The following LURAP1L variants were observed in gnomAD, a reference collection of about 807,000 sequenced individuals.
LURAP1L encodes the protein leucine rich adaptor protein 1-like.
LURAP1L carries 12 observed loss-of-function variants against 13.8 expected under a neutral mutation model. That is an observed-to-expected ratio of 0.87 (90% confidence interval 0.56 to 1.41). The LOEUF (loss-of-function observed/expected upper bound fraction) is 1.41. Among genes scored for constraint, LURAP1L ranks in the 40% most tolerant of loss-of-function variants. The probability of loss-of-function intolerance (pLI) is 0.00; values close to 1 mark genes in which losing one functional copy is unlikely to be tolerated. For synonymous variants in LURAP1L, 139 were observed against 119.2 expected (o/e 1.17, Z -1.08); for missense variants, 375 against 292.9 (o/e 1.28, Z -2.04).
In LURAP1L at chr9:12,775,418, C is replaced by T; in HGVS notation, c.-298C>T. On this transcript the variant is annotated 5_prime_UTR_variant, in exon 1 of 2. Coordinates refer to ENST00000319264, the MANE Select transcript of LURAP1L (RefSeq NM_203403.2). ...TTTATTCCCCCTCTGTCTGCAATAT[C>T]AGTGAACTCAACTTTGCAGTGAGGT... is the stretch of plus-strand genomic sequence containing the variant. 2.7e-6 allele frequency: 1 copy of T among 363,696 alleles called. No homozygotes were observed. The highest frequency in any genetic ancestry group is 4.9e-6 in the Non-Finnish European group (1 of 205,858). 22.5% of individuals were successfully genotyped at this position (363,696 alleles called of 1,614,324 possible). A position where few individuals can be genotyped will look rare whatever the true frequency, so the allele number is the denominator to read the frequency against.
intron 1 of LURAP1L, among the ~76,000 whole-genome samples, chr9:12,778,960 T>C (rs987974584): frequency 1.3e-5 from 2 of 152,214 alleles, no homozygotes; most frequent in East Asian, 1.9e-4. Context: ...TTTAGTCCTA[T>C]GCGTACGTAC....
chr9:12,788,815 C>T (rs535262580), intron 1 of LURAP1L, among the ~76,000 whole-genome samples: 1 of 151,856 alleles, frequency 6.6e-6, no homozygotes, highest in East Asian at 1.9e-4. Context: ...ATACTAATTA[C>T]ATATTACAGT....
At chr9:12,781,181 G>C (rs1333418597) in intron 1 of LURAP1L, among the ~76,000 whole-genome samples, 1 of 152,146 alleles carries the variant, frequency 6.6e-6, no homozygotes, top group Non-Finnish European at 1.5e-5. Context: ...ACGTTGGTCA[G>C]GCTGGTCTGG....
rs775499589 is a variant in LURAP1L, at chr9:12,775,877, C to T, written c.162C>T (p.Gly54=). The T allele has an allele frequency of 1.9e-6, 3 of 1,577,580 alleles. No homozygotes were observed. The highest frequency in any genetic ancestry group is 2.7e-5 in the African/African-American group (2 of 73,960). ...GCGGTGGTGGTGGCGGCGGCGGCGGCGGCTGCAGTAGCAGCAGCAGCTACT... is the reference window on the plus strand; with the variant it reads ...GCGGTGGTGGTGGCGGCGGCGGCGGTGGCTGCAGTAGCAGCAGCAGCTACT... ...GGSGGGGGGG[G]GCSSSSSYCS... Residue 54 remains glycine, a synonymous_variant, in exon 1 of 2, where the codon GGC becomes GGT. Transcript: ENST00000319264.
intron 1 of LURAP1L, among the ~76,000 whole-genome samples, chr9:12,794,544 T>C (rs1376650364): frequency 9.2e-5 from 14 of 152,082 alleles, no homozygotes; most frequent in Admixed American, 8.5e-4. Flanking sequence ...GATTGGTTCA[T>C]ACACTTGGAA....
In LURAP1L at chr9:12,821,731, T is replaced by C. The variant is rs773929090; in HGVS notation, c.658T>C (p.Leu220=). 5 of 1,613,984 alleles carry C rather than the reference T, an allele frequency of 3.1e-6. No homozygotes were observed. In the East Asian group the frequency reaches 8.9e-5, roughly 29 times the overall value. Residue 220 remains leucine, a synonymous_variant, in exon 2 of 2, where the codon TTG becomes CTG. Coordinates refer to ENST00000319264, the MANE Select transcript of LURAP1L (RefSeq NM_203403.2). ...DSQALHKRPK[L]DSEYYCFG ...ACAGGCACTACACAAGCGTCCTAAA[T>C]TGGATTCTGAATACTACTGCTTTGG... is the stretch of plus-strand genomic sequence containing the variant.
At chr9:12,789,010 T>A (rs910364768) in intron 1 of LURAP1L, among the ~76,000 whole-genome samples, 3 of 150,898 alleles carry the variant, frequency 2.0e-5, no homozygotes, top group Non-Finnish European at 2.9e-5. Context: ...AAGATCACAG[T>A]GAGCCATGAT....
rs148799995 is a variant in LURAP1L at position 12,803,033 on chromosome 9, C to G, written c.313-18353C>G. ...TCCATACTTACTCTCTGCTGCATTA[C>G]CACATACTGTCTGTACCTGTTCTTC... On this transcript the variant is annotated intron_variant, in intron 1 of 1. Coordinates refer to ENST00000319264, the MANE Select transcript of LURAP1L (RefSeq NM_203403.2). Among the ~76,000 whole-genome samples the G allele has an allele frequency of 3.8e-3, 576 of 152,298 alleles. 3 individuals carry two copies. The highest frequency in any genetic ancestry group is 0.013 in the African/African-American group (526 of 41,576).
intron 1 of LURAP1L, among the ~76,000 whole-genome samples, chr9:12,801,886 A>C (rs1819590671): frequency 6.6e-6 from 1 of 152,200 alleles, no homozygotes; most frequent in African/African-American, 2.4e-5. Flanking sequence ...TATATTTGAA[A>C]AGCACTTCAT....
intron 1 of LURAP1L, among the ~76,000 whole-genome samples, chr9:12,787,151 T>C (rs892899715): frequency 2.0e-5 from 3 of 152,156 alleles, no homozygotes; most frequent in South Asian, 4.1e-4. Context: ...CTCTTTCCAA[T>C]TCCTATTCCC....
intron 1 of LURAP1L, among the ~76,000 whole-genome samples, chr9:12,791,680 T>C (rs2118491518): frequency 7.0e-6 from 1 of 143,286 alleles, no homozygotes; most frequent in African/African-American, 2.8e-5. Context: ...CCTGCCCTCC[T>C]CCCTTCTTTT....
chr9:12,776,538 C>G (rs1819187229), intron 1 of LURAP1L, among the ~76,000 whole-genome samples: 1 of 152,044 alleles, frequency 6.6e-6, no homozygotes, highest in South Asian at 2.1e-4. Flanking sequence ...TACCGCTCCG[C>G]CCTCCTGCCC....
intron 1 of LURAP1L, among the ~76,000 whole-genome samples, chr9:12,806,555 T>A (rs1459731970): frequency 1.3e-5 from 2 of 152,100 alleles, no homozygotes; most frequent in East Asian, 3.9e-4. Flanking sequence ...TGGGCTATGC[T>A]CCATTTTATC....
chr9:12,807,044 A>G (rs1264557312), intron 1 of LURAP1L, among the ~76,000 whole-genome samples: 1 of 142,386 alleles, frequency 7.0e-6, no homozygotes, highest in Non-Finnish European at 1.5e-5. Flanking sequence ...AAAAAAAAAA[A>G]ATGAGACTAA....
chr9:12,816,910 T>C (rs1157217897), intron 1 of LURAP1L, among the ~76,000 whole-genome samples: 2 of 152,200 alleles, frequency 1.3e-5, no homozygotes, highest in African/African-American at 2.4e-5. Context: ...ACCTTATTTT[T>C]GTCGTTGTTG....
intron 1 of LURAP1L, among the ~76,000 whole-genome samples, chr9:12,807,616 G>C (rs962451356): frequency 6.6e-6 from 1 of 152,110 alleles, no homozygotes; most frequent in African/African-American, 2.4e-5. Context: ...GGTCTTGTTT[G>C]TTTATCCACT....
At chr9:12,820,954 T>C (rs570462664) in intron 1 of LURAP1L, among the ~76,000 whole-genome samples, 1 of 152,338 alleles carries the variant, frequency 6.6e-6, no homozygotes, top group African/African-American at 2.4e-5. Context: ...CAGAGGCTTT[T>C]AGAGGCTTCT....
intron 1 of LURAP1L, among the ~76,000 whole-genome samples, chr9:12,781,823 G>A (rs936662412): frequency 6.6e-6 from 1 of 152,078 alleles, no homozygotes; most frequent in African/African-American, 2.4e-5. Flanking sequence ...ATTTTTTTAA[G>A]GAATCTCGAA....
intron 1 of LURAP1L, among the ~76,000 whole-genome samples, chr9:12,791,556 A>T (rs1333241756): frequency 1.3e-5 from 2 of 151,888 alleles, no homozygotes; most frequent in Non-Finnish European, 2.9e-5. Context: ...AAAATTGCAA[A>T]AGAGTACCAA....
Sources: gnomAD v4.1 joint callset for allele counts (sites outside exome capture counted in the v4.1 genomes callset) on GRCh38, gnomAD v4.1.1 for gene constraint, MANE v1.5 for transcripts, NCBI Gene and HGNC (gene_info 2026-07-23, HGNC 2026-07-21) for gene names.